GPM6A: variants seen among roughly 807,000 people sequenced by gnomAD.
GPM6A encodes glycoprotein M6A.
In GPM6A, 7 loss-of-function variants were observed where a neutral mutation model predicts 32.1. The ratio of observed to expected loss-of-function variants is 0.22; its 90% CI spans 0.12 to 0.41. The LOEUF is 0.41. Among genes scored for constraint, GPM6A ranks in the 10% least tolerant of loss-of-function variants. The pLI is 1.00. For synonymous variants in GPM6A, 130 were observed against 123.4 expected (o/e 1.05, Z -0.35); for missense variants, 235 against 347.2 (o/e 0.68, Z 2.57).
chr4:175,789,346 TAAG>T (rs1230834657), intron 1 of GPM6A, among the ~76,000 whole-genome samples: 1 of 152,188 alleles, frequency 6.6e-6, no homozygotes, highest in Non-Finnish European at 1.5e-5. Context: ...AGCACACTAA[TAAG>T]AAATAATAAA....
At chr4:175,734,172 C>A (rs1731556198) in intron 1 of GPM6A, among the ~76,000 whole-genome samples, 1 of 148,038 alleles carries the variant, frequency 6.8e-6, no homozygotes, top group African/African-American at 2.5e-5. Context: ...TTTTTAATTT[C>A]AACATCTGAT....
intron 1 of GPM6A, among the ~76,000 whole-genome samples, chr4:175,976,435 G>A (rs1740665584): frequency 6.6e-6 from 1 of 151,882 alleles, no homozygotes; most frequent in East Asian, 1.9e-4. Flanking sequence ...CAAAGTGCTG[G>A]GATTACAGGC....
chr4:175,893,160 G>A (rs896816214), intron 1 of GPM6A, among the ~76,000 whole-genome samples: 3 of 152,188 alleles, frequency 2.0e-5, no homozygotes, highest in East Asian at 3.9e-4. Flanking sequence ...CGAGCCTGAT[G>A]CTCAGGTTCT....
chr4:175,876,192 A>G (rs1300718295), intron 1 of GPM6A, among the ~76,000 whole-genome samples: 1 of 152,138 alleles, frequency 6.6e-6, no homozygotes, highest in Non-Finnish European at 1.5e-5. Context: ...AAATAGTATT[A>G]CTGTGGGTAG....
At chr4:175,799,227 C>A (rs1045695729) in intron 1 of GPM6A, among the ~76,000 whole-genome samples, 2 of 152,128 alleles carry the variant, frequency 1.3e-5, no homozygotes, top group African/African-American at 4.8e-5. Context: ...CAGTCAGCTG[C>A]CTTTCCTAGA....
intron 1 of GPM6A, among the ~76,000 whole-genome samples, chr4:175,738,541 A>G (rs2111160943): frequency 6.6e-6 from 1 of 152,214 alleles, no homozygotes; most frequent in Middle Eastern, 3.4e-3. Flanking sequence ...TATACTTCAT[A>G]GTATCTCTGG....
At chr4:175,841,204 T>C (rs930897873) in intron 1 of GPM6A, among the ~76,000 whole-genome samples, 3 of 152,188 alleles carry the variant, frequency 2.0e-5, no homozygotes, top group African/African-American at 7.2e-5. Flanking sequence ...TCTGTTCATG[T>C]TACAAAATAT....
chr4:175,726,186 A>G (rs1486842387), intron 1 of GPM6A, among the ~76,000 whole-genome samples: 6 of 150,886 alleles, frequency 4.0e-5, no homozygotes, highest in South Asian at 4.2e-4. Context: ...TTTTTAGTAG[A>G]GACGGGGTTT....
At chr4:175,902,581 A>G (rs1353389626) in intron 1 of GPM6A, among the ~76,000 whole-genome samples, 1 of 152,104 alleles carries the variant, frequency 6.6e-6, no homozygotes. Context: ...TGCAAAATAA[A>G]AGATTTGGGT....
At chr4:175,865,242 C>A (rs529173026) in intron 1 of GPM6A, among the ~76,000 whole-genome samples, 1 of 152,192 alleles carries the variant, frequency 6.6e-6, no homozygotes, top group African/African-American at 2.4e-5. Context: ...TGAAAATCAA[C>A]TGGCTATATA....
At chr4:175,997,906 G>A (rs572272509) in intron 1 of GPM6A, among the ~76,000 whole-genome samples, 11 of 152,232 alleles carry the variant, frequency 7.2e-5, no homozygotes, top group South Asian at 4.1e-4. Flanking sequence ...CATTTAGTAC[G>A]TATCATGCAG....
chr4:175,712,767 ATGTTTCT>A (rs1745628430), intron 1 of GPM6A, among the ~76,000 whole-genome samples: 1 of 152,236 alleles, frequency 6.6e-6, no homozygotes. Flanking sequence ...TATTCAGAGA[ATGTTTCT>A]TGAGCACCTG....
At chr4:175,988,076 T>C (rs1395536551) in intron 1 of GPM6A, among the ~76,000 whole-genome samples, 5 of 152,120 alleles carry the variant, frequency 3.3e-5, no homozygotes, top group African/African-American at 1.2e-4. Flanking sequence ...TACCTTTATC[T>C]AGAAAAATAA....
chr4:175,957,822 T>C (rs971045711), intron 1 of GPM6A, among the ~76,000 whole-genome samples: 1 of 152,238 alleles, frequency 6.6e-6, no homozygotes, highest in Non-Finnish European at 1.5e-5. Flanking sequence ...GTAACATTAA[T>C]GTAACTTGTA....
chr4:175,769,886 C>A (rs1187256617), intron 1 of GPM6A, among the ~76,000 whole-genome samples: 1 of 152,158 alleles, frequency 6.6e-6, no homozygotes, highest in Non-Finnish European at 1.5e-5. Context: ...GCAGTCTCAT[C>A]AAATGGCTAA....
At chr4:175,844,628 A>G (rs1305185672) in intron 1 of GPM6A, among the ~76,000 whole-genome samples, 1 of 152,158 alleles carries the variant, frequency 6.6e-6, no homozygotes, top group Non-Finnish European at 1.5e-5. Context: ...ATCCAATATT[A>G]TTAGAGCTCA....
At chr4:175,839,552 A>G (rs1201555810) in intron 1 of GPM6A, among the ~76,000 whole-genome samples, 2 of 152,168 alleles carry the variant, frequency 1.3e-5, no homozygotes, top group Non-Finnish European at 2.9e-5. Flanking sequence ...ATTATTTGAT[A>G]ATGAACTTGT....
chr4:175,950,859 A>G (rs929376673), intron 1 of GPM6A, among the ~76,000 whole-genome samples: 12 of 152,240 alleles, frequency 7.9e-5, no homozygotes, highest in Non-Finnish European at 1.5e-5. Context: ...AATTTCAACA[A>G]TGTTAATTTC....
chr4:175,927,737 T>C (rs570810767), intron 1 of GPM6A, among the ~76,000 whole-genome samples: 1 of 152,022 alleles, frequency 6.6e-6, no homozygotes, highest in South Asian at 2.1e-4. Flanking sequence ...ATAGAAAAAT[T>C]AGCAGAGCGT....
Sources: allele counts gnomAD v4.1 joint callset (sites outside exome capture counted in the v4.1 genomes callset), GRCh38; gene constraint gnomAD v4.1.1; transcripts MANE v1.5; gene names NCBI Gene and HGNC (gene_info 2026-07-23, HGNC 2026-07-21).